LRRN4: variants seen among roughly 807,000 people sequenced by gnomAD.
LRRN4 encodes leucine-rich repeat neuronal protein 4.
A neutral mutation model predicts 22.3 loss-of-function variants in LRRN4; 26 were observed. That is an observed-to-expected ratio of 1.16 (90% CI 0.85 to 1.62). LRRN4 has a LOEUF of 1.62. Among genes scored for constraint, LRRN4 ranks in the 40% most tolerant of loss-of-function variants. The probability of loss-of-function intolerance (pLI) is 0.00; values close to 1 mark genes in which losing one functional copy is unlikely to be tolerated. For synonymous variants in LRRN4, 496 were observed against 486.2 expected, an observed-to-expected ratio of 1.02 and a Z score of -0.26; for missense variants, 1,070 against 1,008.5, an observed-to-expected ratio of 1.06 and a Z score of -0.83.
In LRRN4 at chr20:6,041,997, C is replaced by T. The variant is rs1183341171; in HGVS notation, c.1248G>A (p.Thr416=). 1.2e-5 allele frequency: 20 copies of T among 1,613,912 alleles called. No homozygotes were observed. Among genetic ancestry groups the T allele is most frequent in the Non-Finnish European group, 1.7e-5 (20 of 1,180,006 alleles). Residue 416 remains threonine, a synonymous_variant, in exon 5 of 5, where the codon ACG becomes ACA. Transcript: ENST00000378858. This position sits in a 1 kb window ranked among gnomAD's most constrained non-coding sequence, Gnocchi z 9.4. The part of the protein sequence containing the change: ...VSKAPNVGSR[T]IAAWPHSDAR... ...CATCGCTGTGCGGCCATGCAGCTAT[C>T]GTGCGAGAGCCCACGTTAGGGGCCT... is the stretch of plus-strand genomic sequence containing the variant.
Position 6,050,901 on chromosome 20 carries a change from C to G in LRRN4, c.738G>C (p.Gly246=). Residue 246 remains glycine (G), a synonymous_variant, in exon 3 of 5, where the codon GGG becomes GGC. Coordinates refer to ENST00000378858, the MANE Select transcript of LRRN4 (RefSeq NM_152611.5). Reference sequence around the variant, plus strand: ...GGTTGGGGGTCATCTTGAAAATGTCCCCCTCCAGGGTCGTCAGCCGAGGCA... The same window carrying G: ...GGTTGGGGGTCATCTTGAAAATGTCGCCCTCCAGGGTCGTCAGCCGAGGCA... ...RKMPRLTTLE[G]DIFKMTPNLQ... The G allele has an allele frequency of 6.2e-7, 1 of 1,614,074 alleles. No individual in the cohort carries two copies.
intron 2 of LRRN4, among the ~76,000 whole-genome samples, chr20:6,051,303 C>T (rs1042425559): frequency 6.6e-6 from 1 of 152,182 alleles, no homozygotes; most frequent in Non-Finnish European, 1.5e-5. Flanking sequence ...GTTGCTGCTC[C>T]ACCTTCTCAT....
Position 6,041,150 on chromosome 20 carries a change from C to T in LRRN4, c.2095G>A (p.Val699Met), listed in dbSNP as rs2123048845. ...CTGCAGAGACATGCGGACAGCACCA[C>T]GGTGCTGGCGAGCAACAGGCCGCTG... ...AASGLLLAST[V>M]VLSACLCRRG... Residue 699 changes from valine (V) to methionine (M), a missense_variant, in exon 5 of 5, where the codon GTG (valine) becomes ATG (methionine). Val to Met is a conservative substitution (Grantham distance 21). Transcript: ENST00000378858. The surrounding 1 kb of genome is among the most constrained non-coding windows in gnomAD (Gnocchi z 9.4). 1 of 1,605,732 alleles carries T rather than the reference C, an allele frequency of 6.2e-7. No homozygotes were observed. The highest frequency in any genetic ancestry group is 8.5e-7 in the Non-Finnish European group (1 of 1,176,026).
In LRRN4 at chr20:6,041,345, G is replaced by A. The variant is rs55983705; in HGVS notation, c.1900C>T (p.Arg634Trp). Residue 634 changes from arginine to tryptophan, a missense_variant, in exon 5 of 5, where the codon CGG (arginine) becomes TGG (tryptophan). By Grantham distance (101) the Arg-to-Trp change is moderately radical. Transcript: ENST00000378858. This position sits in a 1 kb window ranked among gnomAD's most constrained non-coding sequence, Gnocchi z 9.4. ...GACAGCCCGTACAGAGGGTGCTGCC[G>A]GGCCGTGGCGTAGATGACCCCCACC... ...SVVGVIYATA[R>W]QHPLYGLSPG... 1.3e-5 allele frequency: 21 copies of A among 1,597,130 alleles called. No individual in the cohort carries two copies. The highest frequency in any genetic ancestry group is 1.8e-5 in the Non-Finnish European group (21 of 1,174,926).
At chr20:6,050,751 G>C in intron 3 of LRRN4, 28 bp downstream of exon 3, 1 of 1,601,882 alleles carries the variant, frequency 6.2e-7, no homozygotes, top group South Asian at 1.1e-5. Flanking sequence ...TCAGTCATGT[G>C]ATGAAGATGT....
Position 6,041,396 on chromosome 20 carries a change from C to A in LRRN4, c.1849G>T (p.Glu617Ter). ...VHGYQIRYSA[E>*]GWAGNQSVVG... Reference sequence around the variant, plus strand: ...ACCGACTGGTTCCCCGCCCAGCCCTCCGCAGAGTAGCGGATCTGGTACCCA... The same window carrying A: ...ACCGACTGGTTCCCCGCCCAGCCCTACGCAGAGTAGCGGATCTGGTACCCA... Residue 617 changes from glutamate to a stop codon, truncating the protein, a stop_gained, in exon 5 of 5, where the codon GAG (glutamate) becomes TAG (stop). Coordinates refer to ENST00000378858, the MANE Select transcript of LRRN4 (RefSeq NM_152611.5). LOFTEE classifies it low-confidence loss of function (END_TRUNC). This position sits in a 1 kb window ranked among gnomAD's most constrained non-coding sequence, Gnocchi z 9.4. 1 of 1,575,194 alleles carries A rather than the reference C, an allele frequency of 6.3e-7. No individual in the cohort carries two copies. The highest frequency in any genetic ancestry group is 8.6e-7 in the Non-Finnish European group (1 of 1,161,050).
chr20:6,052,242 G>T lies in LRRN4; in HGVS notation c.558C>A (p.Ala186=). The part of the protein sequence containing the change: ...NLSCTALGRG[A]QGGIAEAAFA... ...ACGCCGCCTCGGCGATGCCCCCCTG[G>T]GCTCCGCGACCCAGCGCGGTGCAGG... Residue 186 remains alanine, a synonymous_variant, in exon 2 of 5, where the codon GCC becomes GCA. Coordinates refer to ENST00000378858, the MANE Select transcript of LRRN4 (RefSeq NM_152611.5). 1 of 1,565,372 alleles carries T rather than the reference G, an allele frequency of 6.4e-7. No individual in the cohort carries two copies. The highest frequency in any genetic ancestry group is 1.4e-5 in the African/African-American group (1 of 73,688).
Position 6,041,191 on chromosome 20 carries a change from G to T in LRRN4, c.2054C>A (p.Ser685Tyr). ...CAGGCCGCTGGCGGCGCACAGCCCA[G>T]AGAGCAGGAGCGCGAAGCTGGGCTT... ...TTKPSFALLLSGLCAASGLLL... is the reference protein window; with the variant it reads ...TTKPSFALLLYGLCAASGLLL... Residue 685 changes from serine (S) to tyrosine (Y), a missense_variant, in exon 5 of 5, where the codon TCT becomes TAT. Ser to Tyr is a moderately radical substitution (Grantham distance 144). Coordinates refer to ENST00000378858, the MANE Select transcript of LRRN4 (RefSeq NM_152611.5). This position sits in a 1 kb window ranked among gnomAD's most constrained non-coding sequence, Gnocchi z 9.4. 6.3e-7 allele frequency: 1 copy of T among 1,592,162 alleles called. No individual in the cohort carries two copies. Among genetic ancestry groups the T allele is most frequent in the East Asian group, 2.3e-5 (1 of 43,746 alleles).
At chr20:6,051,510 G>A (rs1271553923) in intron 2 of LRRN4, among the ~76,000 whole-genome samples, 1 of 152,152 alleles carries the variant, frequency 6.6e-6, no homozygotes, top group Non-Finnish European at 1.5e-5. Flanking sequence ...GATGAAACAG[G>A]TGGTTGTAGA....
At chr20:6,048,932 C>A (rs1015965946) in intron 3 of LRRN4, among the ~76,000 whole-genome samples, 1 of 152,132 alleles carries the variant, frequency 6.6e-6, no homozygotes, top group African/African-American at 2.4e-5. Context: ...GAAGGCCTAG[C>A]CAGGAAGGCT....
At chr20:6,047,632 A>C (rs1282391404) in intron 3 of LRRN4, among the ~76,000 whole-genome samples, 2 of 145,182 alleles carry the variant, frequency 1.4e-5, no homozygotes, top group Non-Finnish European at 3.0e-5. Flanking sequence ...TAAAAATACA[A>C]AAAAAAAAAA....
chr20:6,042,723 A>T (rs762856771), intron 4 of LRRN4, among the ~76,000 whole-genome samples: 2 of 152,078 alleles, frequency 1.3e-5, no homozygotes, highest in Non-Finnish European at 2.9e-5. Context: ...GGTCAAGACC[A>T]TCCTGGCTAA....
Position 6,050,981 on chromosome 20 carries a change from C to A in LRRN4, c.658G>T (p.Glu220Ter). 6.2e-7 allele frequency: 1 copy of A among 1,613,616 alleles called. No individual in the cohort carries two copies. The highest frequency in any genetic ancestry group is 8.5e-7 in the Non-Finnish European group (1 of 1,179,870). Residue 220 changes from glutamate (E) to a stop codon, truncating the protein, a stop_gained and splice_region_variant, in exon 3 of 5, where the codon GAG (glutamate) becomes TAG (stop). Transcript: ENST00000378858. LOFTEE classifies it high-confidence loss of function. ...DLSGTFLERV[E>*]SGWIRDLPKL... Reference sequence around the variant, plus strand: ...GGCAGGTCTCTGATCCACCCTGACTCAACTGAAACACAGAAGGGAAACTGC... The same window carrying A: ...GGCAGGTCTCTGATCCACCCTGACTAAACTGAAACACAGAAGGGAAACTGC...
chr20:6,042,641 GC>G (rs1158490281), intron 4 of LRRN4, among the ~76,000 whole-genome samples: 1 of 152,108 alleles, frequency 6.6e-6, no homozygotes, highest in Non-Finnish European at 1.5e-5. Flanking sequence ...TCATACTCGG[GC>G]CGGTGCGATG....
At chr20:6,047,131 C>T (rs529640834) in intron 3 of LRRN4, among the ~76,000 whole-genome samples, 1 of 152,142 alleles carries the variant, frequency 6.6e-6, no homozygotes, top group Non-Finnish European at 1.5e-5. Context: ...CTTTCTGCCA[C>T]CCAGTGCCAC....
intron 2 of LRRN4, among the ~76,000 whole-genome samples, chr20:6,051,461 C>T (rs561024683): frequency 1.3e-5 from 2 of 152,302 alleles, no homozygotes; most frequent in South Asian, 2.1e-4. Flanking sequence ...CCCTTCCCCT[C>T]GGTATTCCCC....
intron 3 of LRRN4, among the ~76,000 whole-genome samples, chr20:6,050,256 GC>G (rs1177636572): frequency 6.6e-6 from 1 of 152,194 alleles, no homozygotes; most frequent in Non-Finnish European, 1.5e-5. Flanking sequence ...GAATGGTTCT[GC>G]CTTTGCTTTG....
At chr20:6,042,384 C>G (rs1221355842) in intron 4 of LRRN4, 138 bp from the exon 5 acceptor site, 1 of 910,348 alleles carries the variant, frequency 1.1e-6, no homozygotes, top group Non-Finnish European at 1.6e-6. Context: ...GGCACACACG[C>G]CGCACACACA....
rs765428115 is a variant in LRRN4 at position 6,041,150 on chromosome 20, CG to C, written c.2094del (p.Val699TrpfsTer73). The C allele has an allele frequency of 7.5e-6, 12 of 1,605,614 alleles. No individual in the cohort carries two copies. In the South Asian group the frequency reaches 1.3e-4, roughly 18 times the overall value. ...CTGCAGAGACATGCGGACAGCACCA[CG>C]GTGCTGGCGAGCAACAGGCCGCTGG... Reference protein sequence around the residue: ...CAASGLLLASTVVLSACLCRR... With the variant: ...CAASGLLLASXVVLSACLCRR... On this transcript the variant is annotated frameshift_variant, in exon 5 of 5. Coordinates refer to ENST00000378858, the MANE Select transcript of LRRN4 (RefSeq NM_152611.5). LOFTEE classifies it low-confidence loss of function (END_TRUNC). This position sits in a 1 kb window ranked among gnomAD's most constrained non-coding sequence, Gnocchi z 9.4.
Sources: allele counts gnomAD v4.1 joint callset (sites outside exome capture counted in the v4.1 genomes callset), GRCh38; gene constraint gnomAD v4.1.1; non-coding constraint Gnocchi (gnomAD v3.1); transcripts MANE v1.5; gene names NCBI Gene and HGNC (gene_info 2026-07-23, HGNC 2026-07-21).